Variants in CUX2 observed in about 807,000 individuals in gnomAD.
The protein encoded by CUX2 is cut like homeobox 2.
A neutral mutation model predicts 144.8 loss-of-function variants in CUX2; 40 were observed. The observed-to-expected ratio is 0.28, with a 90% CI of 0.21 to 0.36. The LOEUF is 0.36. Ranked by LOEUF, CUX2 falls within the 10% of genes least tolerant of loss-of-function variation. The pLI is 1.00. For missense variants in CUX2, 1,615 were observed against 1,994.0 expected (o/e 0.81, Z 3.62); for synonymous variants, 827 against 875.6 (o/e 0.94, Z 0.98).
intron 1 of CUX2, among the ~76,000 whole-genome samples, chr12:111,120,836 G>T (rs1874611027): frequency 6.6e-6 from 1 of 152,136 alleles, no homozygotes; most frequent in Non-Finnish European, 1.5e-5. Context: ...AGAGGATTAT[G>T]TTGCCTTGCA....
chr12:111,192,573 C>A (rs1879962925), intron 1 of CUX2, among the ~76,000 whole-genome samples: 1 of 152,146 alleles, frequency 6.6e-6, no homozygotes, highest in Non-Finnish European at 1.5e-5. Flanking sequence ...CTGCTGGCTG[C>A]TCTCTTCCCC....
Position 111,035,409 on chromosome 12 carries a change from C to T in CUX2, c.63+1169C>T, listed in dbSNP as rs1869384181. ...CAGAGAACGCACCGTGGAGGCGCGG[C>T]TCCGGCCTCTGTTCTTTCCCGGAGT... On this transcript the variant is annotated intron_variant, in intron 1 of 21. Coordinates refer to ENST00000261726, the MANE Select transcript of CUX2 (RefSeq NM_015267.4). This position sits in a 1 kb window ranked among gnomAD's most constrained non-coding sequence, Gnocchi z 6.0. Among the ~76,000 whole-genome samples the T allele has an allele frequency of 6.6e-6, 1 of 152,068 alleles. No homozygotes were observed. Among genetic ancestry groups the T allele is most frequent in the African/African-American group, 2.4e-5 (1 of 41,404 alleles).
At position 111,039,731 on chromosome 12, in the gene CUX2, A is replaced by G. The variant is rs1315398654; in HGVS notation, c.63+5491A>G. On this transcript the variant is annotated intron_variant, in intron 1 of 21. Coordinates refer to ENST00000261726, the MANE Select transcript of CUX2 (RefSeq NM_015267.4). This position sits in a 1 kb window ranked among gnomAD's most constrained non-coding sequence, Gnocchi z 4.2. ...ATTTTTAGTAGAGACGGGGTTTTGC[A>G]GTGTTGACCAGGCTGGTCTTGAAGT... Among the ~76,000 whole-genome samples the G allele has an allele frequency of 6.6e-6, 1 of 152,036 alleles. No individual in the cohort carries two copies.
At chr12:111,346,099 T>A (rs1592993552) in intron 21 of CUX2, among the ~76,000 whole-genome samples, 1 of 126,210 alleles carries the variant, frequency 7.9e-6, no homozygotes. Context: ...AAAGTGAGAC[T>A]CCATCTCAAA....
intron 4 of CUX2, among the ~76,000 whole-genome samples, chr12:111,266,783 C>G (rs1156461856): frequency 2.0e-5 from 3 of 152,206 alleles, no homozygotes; most frequent in Non-Finnish European, 2.9e-5. Flanking sequence ...GCAATGCTGA[C>G]AAAGCTTGCC....
intron 1 of CUX2, among the ~76,000 whole-genome samples, chr12:111,143,802 G>A (rs1183090234): frequency 6.6e-6 from 1 of 152,238 alleles, no homozygotes; most frequent in African/African-American, 2.4e-5. Flanking sequence ...TCTGGGGTGT[G>A]TGGGGGGGTT....
chr12:111,097,947 A>G (rs1487915651), intron 1 of CUX2, among the ~76,000 whole-genome samples: 2 of 152,176 alleles, frequency 1.3e-5, no homozygotes, highest in African/African-American at 4.8e-5. Flanking sequence ...TGGAGTTTGG[A>G]CTTTTCCCCG....
At chr12:111,112,019 A>G (rs1467415441) in intron 1 of CUX2, among the ~76,000 whole-genome samples, 1 of 152,092 alleles carries the variant, frequency 6.6e-6, no homozygotes, top group Non-Finnish European at 1.5e-5. Flanking sequence ...AGAAAAATCT[A>G]ATCTAGTAAA....
chr12:111,264,473 G>A (rs1181201052), intron 4 of CUX2, among the ~76,000 whole-genome samples: 2 of 152,160 alleles, frequency 1.3e-5, no homozygotes, highest in African/African-American at 4.8e-5. Flanking sequence ...AGGGGATCAC[G>A]CCTGTAATCT....
In CUX2 at chr12:111,312,793, G is replaced by A. The variant is rs1327184472; in HGVS notation, c.2002+592G>A. ...ATGCCTGTCACATGAACTGTTCATA[G>A]TCATGCCCAGCTGCCGTGCACTCCA... is the stretch of plus-strand genomic sequence containing the variant. On this transcript the variant is annotated intron_variant, in intron 16 of 21. Transcript: ENST00000261726. The surrounding 1 kb of genome is among the most constrained non-coding windows in gnomAD (Gnocchi z 4.3). Among the ~76,000 whole-genome samples the A allele has an allele frequency of 6.6e-6, 1 of 152,114 alleles. No individual in the cohort carries two copies. Among genetic ancestry groups the A allele is most frequent in the East Asian group, 1.9e-4 (1 of 5,182 alleles).
intron 20 of CUX2, among the ~76,000 whole-genome samples, chr12:111,339,772 A>G (rs1888504865): frequency 6.6e-6 from 1 of 152,164 alleles, no homozygotes; most frequent in South Asian, 2.1e-4. Context: ...GACTGTGGAG[A>G]GCACCTAGGG....
chr12:111,211,891 A>AT (rs2136222126), intron 1 of CUX2, among the ~76,000 whole-genome samples: 1 of 152,164 alleles, frequency 6.6e-6, no homozygotes, highest in East Asian at 1.9e-4. Context: ...CGTCTCAAAA[A>AT]AAAAAAAAAA....
At chr12:111,273,982 A>C (rs1884742234) in intron 4 of CUX2, among the ~76,000 whole-genome samples, 1 of 152,238 alleles carries the variant, frequency 6.6e-6, no homozygotes, top group Admixed American at 6.5e-5. Flanking sequence ...CAGGGGCACA[A>C]TGTTGAGCAA....
Position 111,277,011 on chromosome 12 carries a change from G to A in CUX2, c.301+13172G>A, listed in dbSNP as rs184819120. ...AAGTGCTGGCACTTGTTGGAGGTGC[G>A]GTCAAGAAATTCCAGTTCCTCTGAG... On this transcript the variant is annotated intron_variant, in intron 4 of 21. Transcript: ENST00000261726. This position sits in a 1 kb window ranked among gnomAD's most constrained non-coding sequence, Gnocchi z 5.0. 3.9e-5 allele frequency among the ~76,000 whole-genome samples: 6 copies of A among 152,272 alleles called. No homozygotes were observed. Among genetic ancestry groups the A allele is most frequent in the Middle Eastern group, 3.4e-3 (1 of 294 alleles).
intron 1 of CUX2, among the ~76,000 whole-genome samples, chr12:111,142,842 G>A (rs1204273417): frequency 2.6e-5 from 4 of 152,142 alleles, no homozygotes; most frequent in Non-Finnish European, 5.9e-5. Context: ...CTGCTGTGGG[G>A]AGCTGCAGCT....
intron 1 of CUX2, among the ~76,000 whole-genome samples, chr12:111,052,327 C>T (rs769528625): frequency 2.6e-5 from 4 of 152,060 alleles, no homozygotes; most frequent in African/African-American, 7.2e-5. Context: ...TGATGAACAC[C>T]GGCCTCCCTC....
At chr12:111,291,277 A>G in intron 4 of CUX2, 141 bp from the exon 5 acceptor site, 1 of 1,019,886 alleles carries the variant, frequency 9.8e-7, no homozygotes, top group Non-Finnish European at 1.4e-6. Flanking sequence ...TCCCTCGTAG[A>G]GCAGAAAGTC....
intron 1 of CUX2, among the ~76,000 whole-genome samples, chr12:111,072,121 G>A (rs1871278986): frequency 6.6e-6 from 1 of 152,132 alleles, no homozygotes; most frequent in South Asian, 2.1e-4. Flanking sequence ...CATATAAACT[G>A]TAGAATCAGT....
intron 1 of CUX2, among the ~76,000 whole-genome samples, chr12:111,087,366 C>CAAAAAAAAAA (rs1159500448): frequency 1.2e-3 from 52 of 45,006 alleles, no homozygotes; most frequent in Non-Finnish European, 2.2e-3. Flanking sequence ...GACTCCATCT[C>CAAAAAAAAAA]AAAAAAAAAA....
Sources: gnomAD v4.1 joint callset for allele counts (sites outside exome capture counted in the v4.1 genomes callset) on GRCh38, gnomAD v4.1.1 for gene constraint, Gnocchi (gnomAD v3.1) non-coding constraint, MANE v1.5 for transcripts, NCBI Gene and HGNC (gene_info 2026-07-23, HGNC 2026-07-21) for gene names.